The following CCNH variants were observed in gnomAD, a reference collection of about 807,000 sequenced individuals.
CCNH encodes the protein cyclin H.
A neutral mutation model predicts 41.9 loss-of-function variants in CCNH; 31 were observed. The ratio of observed to expected loss-of-function variants is 0.74; its 90% CI spans 0.56 to 1.00. The LOEUF is 1.00. Ranked by LOEUF, CCNH falls within the 50% of genes least tolerant of loss-of-function variation. CCNH has a pLI of 0.00. For missense variants in CCNH, 362 were observed against 388.4 expected (o/e 0.93, Z 0.57); for synonymous variants, 138 against 136.1 (o/e 1.01, Z -0.10).
At chr5:87,374,142 TA>T, downstream of CCNH, 1 of 1,395,152 alleles carries the variant, frequency 7.2e-7, no homozygotes, top group Non-Finnish European at 9.4e-7. Context: ...AATATATATA[TA>T]TATATTTTTT....
chr5:87,392,666 G>T, downstream of CCNH: 1 of 171,364 alleles, frequency 5.8e-6, no homozygotes, highest in South Asian at 1.2e-4. Context: ...TCCTCAGTCT[G>T]AAATCCTTCT....
intron 9 of CCNH, among the ~76,000 whole-genome samples, chr5:87,364,022 G>A (rs1350403657): frequency 6.6e-6 from 1 of 152,098 alleles, no homozygotes; most frequent in Non-Finnish European, 1.5e-5. Flanking sequence ...AACATCAGAA[G>A]ACAAATCCAG....
chr5:87,392,268 G>GA (rs201125136), downstream of CCNH: 1,324 of 451,078 alleles, frequency 2.9e-3, 14 homozygotes, highest in African/African-American at 0.019. Flanking sequence ...TAAAATACAG[G>GA]AAAAAAAAAT....
Position 87,369,895 on chromosome 5 carries a change from G to T in CCNH, c.*90+22875C>A, listed in dbSNP as rs1169930236. 6.2e-7 allele frequency: 1 copy of T among 1,604,110 alleles called. No homozygotes were observed. The highest frequency in any genetic ancestry group is 8.5e-7 in the Non-Finnish European group (1 of 1,171,634). On this transcript the variant is annotated intron_variant and NMD_transcript_variant, in intron 9 of 9. Transcript: ENST00000645953. The stretch of plus-strand genomic sequence containing the variant: ...CTTTGCAGGAGAAACTCCAGAACAA[G>T]CAGAGGTAAGATTACTGTTTCTCAA...
intron 9 of CCNH, among the ~76,000 whole-genome samples, chr5:87,327,283 T>A (rs1457908391): frequency 6.6e-6 from 1 of 152,218 alleles, no homozygotes; most frequent in East Asian, 1.9e-4. Flanking sequence ...AGAGCTGGGA[T>A]TCAAAGACAG....
At chr5:87,333,711 T>C (rs1045045466) in intron 9 of CCNH, among the ~76,000 whole-genome samples, 7 of 152,204 alleles carry the variant, frequency 4.6e-5, no homozygotes, top group Non-Finnish European at 8.8e-5. Context: ...TTTTAAACCT[T>C]AGGAATGTTA....
downstream of CCNH, chr5:87,390,803 G>A (rs373643445): frequency 3.1e-6 from 5 of 1,610,342 alleles, no homozygotes; most frequent in Non-Finnish European, 3.4e-6. Context: ...TGTCTAGCAC[G>A]TATTGAAAAA....
intron 8 of CCNH, 82 bp from the exon 9 acceptor site, chr5:87,394,566 G>A: frequency 1.0e-5 from 16 of 1,589,564 alleles, no homozygotes; most frequent in Admixed American, 1.8e-5. Flanking sequence ...TTAAGAAAAT[G>A]TTCTCCTCCT....
At chr5:87,384,808 TTTTCTCC>T (rs1384423257) in intron 9 of CCNH, among the ~76,000 whole-genome samples, 1 of 152,158 alleles carries the variant, frequency 6.6e-6, no homozygotes, top group Non-Finnish European at 1.5e-5. Context: ...AATTTCATGT[TTTTCTCC>T]TCAAAATAAA....
the CCNH span, among the ~76,000 whole-genome samples, chr5:87,312,964 A>G: frequency 7.4e-4 from 112 of 152,368 alleles, no homozygotes; most frequent in African/African-American, 2.5e-3. Context: ...TTATTGAAGG[A>G]AAATGATACT....
intron 9 of CCNH, among the ~76,000 whole-genome samples, chr5:87,340,839 T>C (rs1758379198): frequency 6.6e-6 from 1 of 152,160 alleles, no homozygotes; most frequent in Non-Finnish European, 1.5e-5. Context: ...TAGGAAGTTA[T>C]GTGTGACCAT....
At position 87,399,435 on chromosome 5, in the gene CCNH, C is replaced by T. The variant is rs1351444012; in HGVS notation, c.831G>A (p.Leu277=). The T allele has an allele frequency of 2.5e-6, 4 of 1,613,934 alleles. No homozygotes were observed. The highest frequency in any genetic ancestry group is 3.4e-6 in the Non-Finnish European group (4 of 1,179,872). Residue 277 remains leucine, a synonymous_variant, in exon 7 of 9, where the codon TTG becomes TTA. Transcript: ENST00000256897. ...SEEVAVLKQK[L]ERCHSAELAL... ...CAAGCTCAGCAGAATGACATCGCTC[C>T]AACTTCTGTTTCAGAACAGCAACTT...
At chr5:87,331,208 G>A in intron 9 of CCNH, 1 of 1,039,164 alleles carries the variant, frequency 9.6e-7, no homozygotes, top group Non-Finnish European at 1.5e-6. Context: ...GTTAAAATTG[G>A]AATAACTGGT....
intron 9 of CCNH, chr5:87,333,165 G>A (rs770640802): frequency 3.7e-5 from 55 of 1,500,988 alleles, no homozygotes; most frequent in Non-Finnish European, 4.4e-5. Flanking sequence ...ATCCCATGGA[G>A]TTTCTAATGT....
intron 9 of CCNH, among the ~76,000 whole-genome samples, chr5:87,361,586 T>C (rs949489588): frequency 1.6e-4 from 24 of 152,130 alleles, no homozygotes; most frequent in Admixed American, 1.3e-3. Flanking sequence ...AATAGTAAAA[T>C]TGAAGATTCA....
At chr5:87,389,420 G>C (rs770544719), downstream of CCNH, 1 of 1,614,126 alleles carries the variant, frequency 6.2e-7, no homozygotes, top group Non-Finnish European at 8.5e-7. Context: ...GGACACTACA[G>C]AGCATTCTAG....
chr5:87,379,614 C>G (rs1226632580), upstream of CCNH: 40 of 1,333,680 alleles, frequency 3.0e-5, no homozygotes, highest in Non-Finnish European at 4.0e-5. Context: ...GAAAAAAGAT[C>G]AATACACACA....
chr5:87,401,807 C>T, intron 5 of CCNH, 35 bp from the exon 6 acceptor site: 1 of 1,223,346 alleles, frequency 8.2e-7, no homozygotes. Context: ...CTATTGAAAA[C>T]ATACAGCACA....
downstream of CCNH, among the ~76,000 whole-genome samples, chr5:87,389,130 A>T (rs563153093): frequency 6.6e-6 from 1 of 152,316 alleles, no homozygotes; most frequent in Non-Finnish European, 1.5e-5. Context: ...ATACCCAATT[A>T]GAATCTTTTC....
Sources: gnomAD v4.1 joint callset for allele counts (sites outside exome capture counted in the v4.1 genomes callset) on GRCh38, gnomAD v4.1.1 for gene constraint, MANE v1.5 for transcripts, NCBI Gene and HGNC (gene_info 2026-07-23, HGNC 2026-07-21) for gene names.